GRIK1: variants seen among roughly 807,000 people sequenced by gnomAD.
GRIK1 encodes glutamate receptor ionotropic, kainate 1.
A neutral mutation model predicts 105.7 loss-of-function variants in GRIK1; 69 were observed. That is an observed-to-expected ratio of 0.65 (90% CI 0.54 to 0.80). The LOEUF (loss-of-function observed/expected upper bound fraction) is 0.80. Ranked by LOEUF, GRIK1 falls within the 30% of genes least tolerant of loss-of-function variation. The probability of loss-of-function intolerance (pLI) is 0.00; values close to 1 mark genes in which losing one functional copy is unlikely to be tolerated. For missense variants in GRIK1, 1,109 were observed against 1,167.3 expected (o/e 0.95, Z 0.73); for synonymous variants, 438 against 431.3 (o/e 1.02, Z -0.19).
chr21:29,657,053 T>C lies in GRIK1; in HGVS notation c.727-2190A>G, dbSNP rs191941486. ...CATGGTGAGGTCTTGTTAGCTGTTC[T>C]CTTATATCATTCGAGCATAAAGAGC... On this transcript the variant is annotated intron_variant, in intron 4 of 17. Transcript: ENST00000327783. Among the ~76,000 whole-genome samples the C allele has an allele frequency of 2.4e-3, 369 of 152,304 alleles. 2 individuals are homozygous for C. The highest frequency in any genetic ancestry group is 8.7e-3 in the African/African-American group (360 of 41,560).
At chr21:29,654,690 G>A in intron 5 of GRIK1, 120 bp downstream of exon 5, 1 of 663,922 alleles carries the variant, frequency 1.5e-6, no homozygotes, top group East Asian at 2.6e-5. Flanking sequence ...GGATTCTTAG[G>A]AAAGTAAGGC....
intron 1 of GRIK1, among the ~76,000 whole-genome samples, chr21:29,899,599 C>T (rs138569452): frequency 7.8e-4 from 118 of 151,980 alleles, no homozygotes; most frequent in African/African-American, 2.7e-3. Flanking sequence ...TAAACCACTC[C>T]CAGAGCTGAT....
rs566172672 is a variant in GRIK1, at chr21:29,805,669, A to G, written c.119-111606T>C. Among the ~76,000 whole-genome samples, 158 of 152,222 alleles carry G rather than the reference A, an allele frequency of 1.0e-3. 1 individual carries two copies. Among genetic ancestry groups the G allele is most frequent in the African/African-American group, 3.6e-3 (150 of 41,544 alleles). On this transcript the variant is annotated intron_variant, in intron 1 of 17. Coordinates refer to ENST00000327783, the MANE Select transcript of GRIK1 (RefSeq NM_001330994.2). ...TTGCTTATTGTGTGTTGGTTAGTGT[A>G]TATAGGAGAGTACTAATGCACAGGG...
intron 1 of GRIK1, among the ~76,000 whole-genome samples, chr21:29,769,721 T>A (rs1601647995): frequency 6.6e-6 from 1 of 151,988 alleles, no homozygotes; most frequent in African/African-American, 2.4e-5. Context: ...GGATCCCTGA[T>A]ACACAAGCCA....
intron 9 of GRIK1, among the ~76,000 whole-genome samples, chr21:29,591,742 G>A (rs2061336939): frequency 6.6e-6 from 1 of 152,082 alleles, no homozygotes; most frequent in African/African-American, 2.4e-5. Context: ...ATGGTGGAGA[G>A]ACCCAGCATC....
chr21:29,799,046 C>T (rs915816706), intron 1 of GRIK1, among the ~76,000 whole-genome samples: 1 of 152,176 alleles, frequency 6.6e-6, no homozygotes, highest in Non-Finnish European at 1.5e-5. Context: ...GTAAACATTG[C>T]CTGGAATTGT....
intron 1 of GRIK1, among the ~76,000 whole-genome samples, chr21:29,771,120 T>G (rs1393642607): frequency 6.6e-6 from 1 of 152,236 alleles, no homozygotes; most frequent in African/African-American, 2.4e-5. Flanking sequence ...CAACAGTTTT[T>G]AAACATTTGA....
chr21:29,664,139 G>C (rs2063017206), intron 4 of GRIK1, among the ~76,000 whole-genome samples: 2 of 152,196 alleles, frequency 1.3e-5, no homozygotes, highest in Admixed American at 6.5e-5. Context: ...GAAGAACAAA[G>C]AGGATGCAAA....
chr21:29,903,251 G>T (rs57949340), intron 1 of GRIK1, among the ~76,000 whole-genome samples: 1,998 of 152,236 alleles, frequency 0.013, 50 homozygotes, highest in African/African-American at 0.046. Context: ...AACACCAAAA[G>T]TGATGGCAAC....
At chr21:29,678,177 A>C (rs1433365415) in intron 3 of GRIK1, among the ~76,000 whole-genome samples, 1 of 152,156 alleles carries the variant, frequency 6.6e-6, no homozygotes, top group Non-Finnish European at 1.5e-5. Context: ...CATTTCATAA[A>C]CTTGTGGGTA....
At chr21:29,772,681 G>T (rs557825057) in intron 1 of GRIK1, among the ~76,000 whole-genome samples, 2 of 151,970 alleles carry the variant, frequency 1.3e-5, no homozygotes. Flanking sequence ...GTAAATTTGC[G>T]TATGTGAAAC....
intron 13 of GRIK1, among the ~76,000 whole-genome samples, chr21:29,577,914 T>C (rs2146243586): frequency 6.6e-6 from 1 of 152,320 alleles, no homozygotes; most frequent in South Asian, 2.1e-4. Context: ...ATTTTAGATG[T>C]CATTCAGATG....
chr21:29,738,256 T>C (rs1400507275), intron 1 of GRIK1, among the ~76,000 whole-genome samples: 1 of 152,260 alleles, frequency 6.6e-6, no homozygotes, highest in Non-Finnish European at 1.5e-5. Flanking sequence ...GTGGGGTGTG[T>C]ATATGTGTGC....
At chr21:29,903,792 ATAAAT>A (rs1229023654) in intron 1 of GRIK1, among the ~76,000 whole-genome samples, 1 of 152,258 alleles carries the variant, frequency 6.6e-6, no homozygotes, top group Non-Finnish European at 1.5e-5. Flanking sequence ...CCAAAGGATT[ATAAAT>A]TATTCTATGA....
At chr21:29,869,967 G>A (rs2068954911) in intron 1 of GRIK1, among the ~76,000 whole-genome samples, 1 of 152,024 alleles carries the variant, frequency 6.6e-6, no homozygotes, top group African/African-American at 2.4e-5. Context: ...CTGTCAGGTT[G>A]AGCAAATAAA....
At chr21:29,703,734 C>T (rs993191454) in intron 1 of GRIK1, among the ~76,000 whole-genome samples, 2 of 152,100 alleles carry the variant, frequency 1.3e-5, no homozygotes, top group African/African-American at 2.4e-5. Context: ...TCAGAAAGTC[C>T]CAGCCAAGAA....
intron 1 of GRIK1, among the ~76,000 whole-genome samples, chr21:29,887,739 G>A (rs989145727): frequency 1.3e-5 from 2 of 151,782 alleles, no homozygotes; most frequent in Non-Finnish European, 2.9e-5. Flanking sequence ...TTTTTCCTTA[G>A]GCTTGTTATC....
chr21:29,847,308 T>C (rs1056425105), intron 1 of GRIK1, among the ~76,000 whole-genome samples: 4 of 152,162 alleles, frequency 2.6e-5, no homozygotes, highest in Non-Finnish European at 5.9e-5. Context: ...ATACTTTAAC[T>C]ATTGTGGCCA....
At chr21:29,634,176 T>C (rs1601332251) in intron 7 of GRIK1, among the ~76,000 whole-genome samples, 1 of 152,322 alleles carries the variant, frequency 6.6e-6, no homozygotes, top group East Asian at 1.9e-4. Context: ...CAAACAAATA[T>C]TAAGCACAGG....
Sources: allele counts gnomAD v4.1 joint callset (sites outside exome capture counted in the v4.1 genomes callset), GRCh38; gene constraint gnomAD v4.1.1; transcripts MANE v1.5; gene names NCBI Gene and HGNC (gene_info 2026-07-23, HGNC 2026-07-21).